Variants in EFNA5 observed in about 807,000 individuals in gnomAD.
EFNA5 encodes ephrin A5.
EFNA5 carries 5 observed loss-of-function variants against 22.9 expected under a neutral mutation model. That is an observed-to-expected ratio of 0.22 (90% CI 0.11 to 0.46). The LOEUF (loss-of-function observed/expected upper bound fraction) is 0.46, where lower values mean the gene tolerates loss of function less well. EFNA5 is among the 20% of genes least tolerant of loss of function. EFNA5 has a pLI of 0.99. For synonymous variants in EFNA5, 113 were observed against 112.2 expected (o/e 1.01, Z -0.04); for missense variants, 237 against 293.3 (o/e 0.81, Z 1.40).
intron 1 of EFNA5, among the ~76,000 whole-genome samples, chr5:107,589,839 C>T (rs936036442): frequency 1.3e-5 from 2 of 152,176 alleles, no homozygotes; most frequent in African/African-American, 2.4e-5. Context: ...CTGAGTTTTA[C>T]CCGTGTGCTA....
chr5:107,387,304 T>G lies in EFNA5; in HGVS notation c.496A>C (p.Lys166Gln). 1 of 1,599,438 alleles carries G rather than the reference T, an allele frequency of 6.3e-7. No individual in the cohort carries two copies. The change falls in exon 4 of 5, where the codon AAA becomes CAA. Residue 166 changes from lysine to glutamine, a missense_variant. Coordinates refer to ENST00000333274, the MANE Select transcript of EFNA5 (RefSeq NM_001962.3). ...ACACGATCATGAACACCTATAGTTT[T>G]CATACAGCTATCTATAACAAAAATA... Reference protein sequence around the residue: ...VFVRPTNSCMKTIGVHDRVFD... With the variant: ...VFVRPTNSCMQTIGVHDRVFD...
chr5:107,553,504 GGA>G (rs1409682992), intron 1 of EFNA5, among the ~76,000 whole-genome samples: 1 of 152,168 alleles, frequency 6.6e-6, no homozygotes, highest in East Asian at 1.9e-4. Flanking sequence ...TCCCTAAAGG[GGA>G]GAGACCATCT....
chr5:107,471,096 T>C (rs964095846), intron 1 of EFNA5, among the ~76,000 whole-genome samples: 3 of 152,150 alleles, frequency 2.0e-5, no homozygotes, highest in Admixed American at 2.0e-4. Context: ...CGCCTCCCAA[T>C]TCATCAGGCT....
intron 1 of EFNA5, among the ~76,000 whole-genome samples, chr5:107,669,566 G>A (rs1221742333): frequency 6.6e-6 from 1 of 152,044 alleles, no homozygotes; most frequent in Non-Finnish European, 1.5e-5. Context: ...CGAAAACACG[G>A]GACGTCTGCG....
At chr5:107,551,136 C>T (rs973973081) in intron 1 of EFNA5, among the ~76,000 whole-genome samples, 6 of 152,174 alleles carry the variant, frequency 3.9e-5, no homozygotes, top group African/African-American at 1.4e-4. Flanking sequence ...GGCCTTAGTA[C>T]CATCATCATC....
At chr5:107,405,212 C>T (rs1332129738) in intron 2 of EFNA5, among the ~76,000 whole-genome samples, 1 of 152,236 alleles carries the variant, frequency 6.6e-6, no homozygotes, top group Non-Finnish European at 1.5e-5. Context: ...TTGGGCAGCC[C>T]TTGCCTGCTC....
intron 1 of EFNA5, among the ~76,000 whole-genome samples, chr5:107,618,960 C>T (rs939092910): frequency 6.6e-5 from 10 of 151,702 alleles, no homozygotes; most frequent in South Asian, 2.1e-4. Flanking sequence ...CTTGCACTGT[C>T]GCCCAGGCTG....
intron 1 of EFNA5, among the ~76,000 whole-genome samples, chr5:107,513,698 T>C (rs1326317088): frequency 6.6e-6 from 1 of 152,180 alleles, no homozygotes. Flanking sequence ...ATTCATAAGA[T>C]GTTTCTGAAC....
intron 1 of EFNA5, among the ~76,000 whole-genome samples, chr5:107,566,894 C>T (rs1195782779): frequency 2.0e-5 from 3 of 152,148 alleles, no homozygotes; most frequent in Non-Finnish European, 4.4e-5. Flanking sequence ...TTGTGATTCC[C>T]TTAATTAATC....
intron 1 of EFNA5, among the ~76,000 whole-genome samples, chr5:107,624,531 G>A (rs954380319): frequency 6.6e-6 from 1 of 152,092 alleles, no homozygotes; most frequent in Non-Finnish European, 1.5e-5. Context: ...TCCAGCACAG[G>A]TGTCTATATT....
intron 1 of EFNA5, among the ~76,000 whole-genome samples, chr5:107,474,732 C>T (rs1258930965): frequency 6.6e-6 from 1 of 152,164 alleles, no homozygotes; most frequent in Non-Finnish European, 1.5e-5. Context: ...CCACCTCAAT[C>T]TTGTTAAATA....
intron 2 of EFNA5, among the ~76,000 whole-genome samples, chr5:107,414,864 A>C (rs1748462547): frequency 6.6e-6 from 1 of 152,146 alleles, no homozygotes; most frequent in African/African-American, 2.4e-5. Context: ...ATTGCAAAGG[A>C]ACTAAAGGCA....
At chr5:107,646,707 CT>C (rs1247637011) in intron 1 of EFNA5, among the ~76,000 whole-genome samples, 1 of 152,028 alleles carries the variant, frequency 6.6e-6, no homozygotes, top group African/African-American at 2.4e-5. Flanking sequence ...CATTCAACTG[CT>C]TCTGAAAAAA....
chr5:107,537,986 G>T (rs1362171200), intron 1 of EFNA5, among the ~76,000 whole-genome samples: 1 of 152,152 alleles, frequency 6.6e-6, no homozygotes, highest in African/African-American at 2.4e-5. Flanking sequence ...TGAAGAAAAG[G>T]GGTATATTGA....
intron 2 of EFNA5, chr5:107,426,895 T>G: frequency 3.7e-6 from 1 of 273,154 alleles, no homozygotes; most frequent in Non-Finnish European, 6.9e-6. Flanking sequence ...ATTATTTCCT[T>G]TAATTTTTTT....
intron 1 of EFNA5, among the ~76,000 whole-genome samples, chr5:107,501,450 TACAGA>T (rs1415222708): frequency 6.6e-6 from 1 of 151,312 alleles, no homozygotes; most frequent in East Asian, 2.0e-4. Flanking sequence ...GACATAAAAG[TACAGA>T]TATTATAGCT....
chr5:107,544,950 A>G (rs756927468), intron 1 of EFNA5, among the ~76,000 whole-genome samples: 1 of 152,240 alleles, frequency 6.6e-6, no homozygotes, highest in Non-Finnish European at 1.5e-5. Context: ...CTACACTGTC[A>G]TTTTAGTTAT....
chr5:107,483,084 A>G (rs1750531561), intron 1 of EFNA5, among the ~76,000 whole-genome samples: 1 of 152,048 alleles, frequency 6.6e-6, no homozygotes. Flanking sequence ...CTCGTCTTTA[A>G]TCTTCTTTAT....
intron 1 of EFNA5, among the ~76,000 whole-genome samples, chr5:107,555,892 C>T (rs774582270): frequency 3.3e-5 from 5 of 152,208 alleles, no homozygotes; most frequent in Non-Finnish European, 4.4e-5. Context: ...CAGAGTAAAA[C>T]ATCCTGGTCC....
Sources: allele counts gnomAD v4.1 joint callset (sites outside exome capture counted in the v4.1 genomes callset), GRCh38; gene constraint gnomAD v4.1.1; transcripts MANE v1.5; gene names NCBI Gene and HGNC (gene_info 2026-07-23, HGNC 2026-07-21).